The following ADGRG6 variants were observed in gnomAD, a reference collection of about 807,000 sequenced individuals.
The protein encoded by ADGRG6 is G-protein coupled receptor 126.
ADGRG6 carries 84 observed loss-of-function variants against 142.4 expected under a neutral mutation model. The observed-to-expected ratio is 0.59, with a 90% confidence interval of 0.49 to 0.71. The LOEUF is 0.71. Ranked by LOEUF, ADGRG6 falls within the 30% of genes least tolerant of loss-of-function variation. The probability of loss-of-function intolerance (pLI) is 0.00; values close to 1 mark genes in which losing one functional copy is unlikely to be tolerated. For missense variants in ADGRG6, 1,367 were observed against 1,466.6 expected (o/e 0.93, Z 1.11); for synonymous variants, 521 against 520.5 (o/e 1.00, Z -0.01).
chr6:142,325,910 C>G (rs1778752181), intron 2 of ADGRG6, among the ~76,000 whole-genome samples: 1 of 151,682 alleles, frequency 6.6e-6, no homozygotes, highest in African/African-American at 2.4e-5. Flanking sequence ...AATTCAGTAG[C>G]AAATGCTTCA....
At chr6:142,418,805 T>C (rs1429556461) in intron 21 of ADGRG6, among the ~76,000 whole-genome samples, 2 of 152,174 alleles carry the variant, frequency 1.3e-5, no homozygotes, top group East Asian at 3.9e-4. Flanking sequence ...AATTTCAAGA[T>C]GAATTTAGTT....
At chr6:142,308,191 T>C (rs1777595464) in intron 1 of ADGRG6, among the ~76,000 whole-genome samples, 1 of 152,010 alleles carries the variant, frequency 6.6e-6, no homozygotes, top group African/African-American at 2.4e-5. Context: ...GAACTGTTCT[T>C]GAAAGGCATC....
intron 4 of ADGRG6, among the ~76,000 whole-genome samples, chr6:142,375,069 C>T (rs1255560588): frequency 6.6e-6 from 1 of 152,074 alleles, no homozygotes; most frequent in Non-Finnish European, 1.5e-5. Flanking sequence ...ACTCCTGTGC[C>T]CCATCCACCC....
chr6:142,411,497 A>G (rs1241964239), intron 18 of ADGRG6, 86 bp downstream of exon 18: 5 of 752,656 alleles, frequency 6.6e-6, no homozygotes, highest in Non-Finnish European at 1.2e-5. Context: ...TAGATTATGT[A>G]TTTTGGGAAT....
At chr6:142,385,882 G>A (rs1781994504) in intron 6 of ADGRG6, among the ~76,000 whole-genome samples, 1 of 151,936 alleles carries the variant, frequency 6.6e-6, no homozygotes, top group Non-Finnish European at 1.5e-5. Flanking sequence ...CTTATTCTTT[G>A]GGAAACAGAG....
At chr6:142,330,186 A>G (rs1169587440) in intron 2 of ADGRG6, among the ~76,000 whole-genome samples, 35 of 152,062 alleles carry the variant, frequency 2.3e-4, no homozygotes, top group Admixed American at 2.3e-3. Flanking sequence ...TGTCCCTCCA[A>G]AGGACATGAT....
At chr6:142,422,433 C>T (rs561904226) in intron 22 of ADGRG6, among the ~76,000 whole-genome samples, 25 of 152,200 alleles carry the variant, frequency 1.6e-4, no homozygotes, top group Admixed American at 4.6e-4. Flanking sequence ...TTTGCTCTTG[C>T]GATAGTTTAC....
At chr6:142,304,017 T>A (rs897529084) in intron 1 of ADGRG6, among the ~76,000 whole-genome samples, 1 of 152,180 alleles carries the variant, frequency 6.6e-6, no homozygotes, top group South Asian at 2.1e-4. Flanking sequence ...TTTCATTTTT[T>A]ACCAGATGGT....
intron 2 of ADGRG6, among the ~76,000 whole-genome samples, chr6:142,311,353 A>G (rs910703901): frequency 6.6e-6 from 1 of 151,934 alleles, no homozygotes; most frequent in Non-Finnish European, 1.5e-5. Flanking sequence ...AACATTTTGT[A>G]TTAATACCTA....
intron 10 of ADGRG6, 54 bp from the exon 11 acceptor site, chr6:142,400,431 C>T: frequency 1.1e-6 from 1 of 883,760 alleles, no homozygotes; most frequent in South Asian, 1.4e-5. Context: ...TCTCTAATCT[C>T]TAACTTTAAA....
At chr6:142,319,653 A>G (rs1466667155) in intron 2 of ADGRG6, among the ~76,000 whole-genome samples, 1 of 151,942 alleles carries the variant, frequency 6.6e-6, no homozygotes. Context: ...ATACATTTCA[A>G]TTTTCCCATT....
chr6:142,425,414 G>C (rs572330760), intron 22 of ADGRG6, among the ~76,000 whole-genome samples: 29 of 152,266 alleles, frequency 1.9e-4, no homozygotes, highest in African/African-American at 7.0e-4. Flanking sequence ...TCATTGATTT[G>C]CTCATTAAAC....
intron 4 of ADGRG6, among the ~76,000 whole-genome samples, chr6:142,375,448 G>C (rs1280633956): frequency 6.6e-6 from 1 of 152,098 alleles, no homozygotes; most frequent in East Asian, 1.9e-4. Context: ...ATTTCCTGCT[G>C]CTTAATCATC....
Position 142,313,910 on chromosome 6 carries a change from A to G in ADGRG6, c.103+4266A>G, listed in dbSNP as rs1300283195. On this transcript the variant is annotated intron_variant, in intron 2 of 24. Coordinates refer to ENST00000367609, the MANE Select transcript of ADGRG6 (RefSeq NM_198569.3). ...TTTAAAAAAAAATTCAGTATTGTGT[A>G]TTGAAAATTACTAAGTGTGTCTTAA... Among the ~76,000 whole-genome samples, 7 of 152,144 alleles carry G rather than the reference A, an allele frequency of 4.6e-5. No homozygotes were observed. In the East Asian group the frequency reaches 1.3e-3, roughly 29 times the overall value.
intron 21 of ADGRG6, 103 bp downstream of exon 21, chr6:142,417,472 T>C (rs973898472): frequency 1.3e-4 from 83 of 646,910 alleles, no homozygotes; most frequent in Non-Finnish European, 1.6e-4. Context: ...AAAAGGTTGA[T>C]GTTTATTCAC....
At position 142,360,865 on chromosome 6, in the gene ADGRG6, C is replaced by T. The variant is rs1481640399; in HGVS notation, c.104-6704C>T. 3.3e-5 allele frequency among the ~76,000 whole-genome samples: 5 copies of T among 152,142 alleles called. No homozygotes were observed. The East Asian group carries it at 5.8e-4, about 18-fold the overall frequency. On this transcript the variant is annotated intron_variant, in intron 2 of 24. Coordinates refer to ENST00000367609, the MANE Select transcript of ADGRG6 (RefSeq NM_198569.3). Reference sequence around the variant, plus strand: ...TAGAGATGGGGTTTCACCATGTTGGCCAGGCTGGTCTTGAATTCCTGACCT... The same window carrying T: ...TAGAGATGGGGTTTCACCATGTTGGTCAGGCTGGTCTTGAATTCCTGACCT...
At chr6:142,373,893 T>G (rs1393216582) in intron 4 of ADGRG6, among the ~76,000 whole-genome samples, 3 of 148,102 alleles carry the variant, frequency 2.0e-5, no homozygotes, top group Non-Finnish European at 4.5e-5. Flanking sequence ...TTTTTTTTTT[T>G]TTTTTTTTTT....
chr6:142,436,424 A>T (rs1777488458), intron 22 of ADGRG6, among the ~76,000 whole-genome samples: 1 of 152,102 alleles, frequency 6.6e-6, no homozygotes, highest in Non-Finnish European at 1.5e-5. Context: ...GCAATATTGG[A>T]GTTGCCATCA....
intron 6 of ADGRG6, among the ~76,000 whole-genome samples, chr6:142,384,546 A>G (rs946959914): frequency 2.6e-5 from 4 of 152,210 alleles, no homozygotes; most frequent in African/African-American, 9.6e-5. Flanking sequence ...TGAACGACAT[A>G]CATGGCCTTT....
Sources: gnomAD v4.1 joint callset for allele counts (sites outside exome capture counted in the v4.1 genomes callset) on GRCh38, gnomAD v4.1.1 for gene constraint, MANE v1.5 for transcripts, NCBI Gene and HGNC (gene_info 2026-07-23, HGNC 2026-07-21) for gene names.